MAGI1: variants seen among roughly 807,000 people sequenced by gnomAD.
MAGI1 encodes membrane-associated guanylate kinase, WW and PDZ domain-containing protein 1.
A neutral mutation model predicts 139.9 loss-of-function variants in MAGI1; 58 were observed. The ratio of observed to expected loss-of-function variants is 0.41; its 90% CI spans 0.34 to 0.52. MAGI1 has a LOEUF of 0.52. Ranked by LOEUF, MAGI1 falls within the 20% of genes least tolerant of loss-of-function variation. MAGI1 has a pLI of 0.12. For missense variants in MAGI1, 1,874 were observed against 1,901.6 expected, an observed-to-expected ratio of 0.99 and a Z score of 0.27; for synonymous variants, 812 against 737.9, an observed-to-expected ratio of 1.10 and a Z score of -1.63.
At chr3:65,973,879 GA>G in intron 1 of MAGI1, among the ~76,000 whole-genome samples, 1 of 151,842 alleles carries the variant, frequency 6.6e-6, no homozygotes. Flanking sequence ...TATAATCAGG[GA>G]AAAAAATGTA....
At chr3:65,907,307 G>C (rs2061479453) in intron 1 of MAGI1, among the ~76,000 whole-genome samples, 1 of 152,174 alleles carries the variant, frequency 6.6e-6, no homozygotes, top group Non-Finnish European at 1.5e-5. Flanking sequence ...TCTAGTGGGT[G>C]GATGAGATTA....
At chr3:65,592,882 T>A (rs1479803129) in intron 2 of MAGI1, among the ~76,000 whole-genome samples, 1 of 152,188 alleles carries the variant, frequency 6.6e-6, no homozygotes, top group Non-Finnish European at 1.5e-5. Flanking sequence ...CCTTATTCCC[T>A]ATTCCCTGAT....
intron 12 of MAGI1, among the ~76,000 whole-genome samples, chr3:65,411,742 A>T (rs536744444): frequency 6.6e-6 from 1 of 152,122 alleles, no homozygotes; most frequent in Non-Finnish European, 1.5e-5. Flanking sequence ...ATTTTTAGTA[A>T]TGTAAGTTAG....
At chr3:65,477,297 C>A (rs1386763239) in intron 4 of MAGI1, among the ~76,000 whole-genome samples, 2 of 152,168 alleles carry the variant, frequency 1.3e-5, no homozygotes, top group African/African-American at 2.4e-5. Flanking sequence ...AAACAGCATT[C>A]ATAAATAACA....
At chr3:65,692,474 C>G (rs75041132) in intron 1 of MAGI1, among the ~76,000 whole-genome samples, 1 of 152,192 alleles carries the variant, frequency 6.6e-6, no homozygotes, top group Admixed American at 6.5e-5. Context: ...AAAAAGCCTA[C>G]AGTGGCCTTG....
At chr3:65,429,265 G>A (rs1025858821) in intron 12 of MAGI1, among the ~76,000 whole-genome samples, 9 of 151,874 alleles carry the variant, frequency 5.9e-5, no homozygotes, top group African/African-American at 1.5e-4. Context: ...ACCCAACTTA[G>A]GTTTTTAAAT....
intron 1 of MAGI1, among the ~76,000 whole-genome samples, chr3:65,950,062 A>C (rs2063731511): frequency 4.5e-5 from 1 of 22,264 alleles, no homozygotes; most frequent in Non-Finnish European, 2.1e-4. Context: ...AAAAAAACAA[A>C]AAAACAAAAA....
At chr3:65,901,938 C>T (rs2061250288) in intron 1 of MAGI1, among the ~76,000 whole-genome samples, 1 of 152,072 alleles carries the variant, frequency 6.6e-6, no homozygotes, top group African/African-American at 2.4e-5. Context: ...TTTAATACAT[C>T]ATTTTCACTA....
intron 7 of MAGI1, among the ~76,000 whole-genome samples, chr3:65,443,534 A>T (rs1024999296): frequency 1.3e-5 from 2 of 152,180 alleles, no homozygotes; most frequent in African/African-American, 4.8e-5. Context: ...TGAAAACTCA[A>T]CCATGCTCTA....
intron 1 of MAGI1, among the ~76,000 whole-genome samples, chr3:65,641,636 A>G (rs1032681395): frequency 1.3e-5 from 2 of 152,190 alleles, no homozygotes; most frequent in African/African-American, 4.8e-5. Flanking sequence ...AGGTGCAGAG[A>G]GTGGTACGGG....
intron 1 of MAGI1, among the ~76,000 whole-genome samples, chr3:65,669,227 C>T (rs1014509042): frequency 4.6e-5 from 7 of 152,094 alleles, no homozygotes; most frequent in Non-Finnish European, 1.0e-4. Flanking sequence ...AAATGGGTGT[C>T]CCTTACAGAC....
At chr3:66,027,989 G>A (rs375881600) in intron 1 of MAGI1, among the ~76,000 whole-genome samples, 16 of 152,258 alleles carry the variant, frequency 1.1e-4, no homozygotes, top group African/African-American at 3.1e-4. Context: ...ACTAACTGAC[G>A]TACCTCCATT....
At chr3:65,654,354 G>T (rs775620893) in intron 1 of MAGI1, among the ~76,000 whole-genome samples, 1 of 152,160 alleles carries the variant, frequency 6.6e-6, no homozygotes, top group Non-Finnish European at 1.5e-5. Context: ...AAAACTGAGG[G>T]CGTAAAAATG....
At position 65,551,276 on chromosome 3, in the gene MAGI1, T is replaced by G. The variant is rs2222585; in HGVS notation, c.431-57645A>C. On this transcript the variant is annotated intron_variant, in intron 2 of 22. Coordinates refer to ENST00000402939, the MANE Select transcript of MAGI1 (RefSeq NM_001033057.2). The stretch of plus-strand genomic sequence containing the variant: ...TGAGGACTCCCCAGCCATGAGGAAC[T>G]GTGAGTCAATTAAACCACTTTCCTT... Among the ~76,000 whole-genome samples, 551 of 152,310 alleles carry G rather than the reference T, an allele frequency of 3.6e-3. 5 individuals are homozygous for G. The highest frequency in any genetic ancestry group is 0.013 in the African/African-American group (531 of 41,556).
intron 1 of MAGI1, among the ~76,000 whole-genome samples, chr3:65,834,972 G>C (rs553155397): frequency 6.6e-6 from 1 of 152,044 alleles, no homozygotes; most frequent in Non-Finnish European, 1.5e-5. Flanking sequence ...TGCCTATATT[G>C]TTTCATTTGA....
chr3:65,542,812 A>G (rs1450812622), intron 2 of MAGI1, among the ~76,000 whole-genome samples: 1 of 152,226 alleles, frequency 6.6e-6, no homozygotes, highest in East Asian at 1.9e-4. Flanking sequence ...AAGAAAACCT[A>G]GGCAATATCA....
intron 1 of MAGI1, among the ~76,000 whole-genome samples, chr3:65,960,916 C>T (rs2064390747): frequency 6.6e-6 from 1 of 152,222 alleles, no homozygotes; most frequent in Admixed American, 6.5e-5. Context: ...AGACATCACT[C>T]TTATTTACTT....
intron 10 of MAGI1, among the ~76,000 whole-genome samples, chr3:65,433,250 T>C (rs1209820200): frequency 6.6e-6 from 1 of 152,082 alleles, no homozygotes; most frequent in Non-Finnish European, 1.5e-5. Context: ...AAAGAGGTGT[T>C]TGGTTGTTGG....
intron 1 of MAGI1, among the ~76,000 whole-genome samples, chr3:66,023,113 T>C (rs2068048176): frequency 6.6e-6 from 1 of 152,156 alleles, no homozygotes; most frequent in Admixed American, 6.5e-5. Flanking sequence ...GGGCATACAG[T>C]AGTCTAAACT....
Sources: gnomAD v4.1 joint callset for allele counts (sites outside exome capture counted in the v4.1 genomes callset) on GRCh38, gnomAD v4.1.1 for gene constraint, MANE v1.5 for transcripts, NCBI Gene and HGNC (gene_info 2026-07-23, HGNC 2026-07-21) for gene names.